Variants in ALK observed in about 807,000 individuals in gnomAD.
ALK encodes the protein ALK receptor tyrosine kinase.
Under a neutral mutation model 163.1 loss-of-function variants are expected in ALK, and 74 were observed. That is an observed-to-expected ratio of 0.45 (90% CI 0.38 to 0.55). ALK has a LOEUF of 0.55. Ranked by LOEUF, ALK falls within the 20% of genes least tolerant of loss-of-function variation. The pLI is 0.00. For missense variants in ALK, 2,063 were observed against 2,105.3 expected, an observed-to-expected ratio of 0.98 and a Z score of 0.39; for synonymous variants, 960 against 843.2, an observed-to-expected ratio of 1.14 and a Z score of -2.40.
chr2:29,797,692 T>G (rs1367705608), intron 1 of ALK, among the ~76,000 whole-genome samples: 2 of 152,214 alleles, frequency 1.3e-5, no homozygotes, highest in African/African-American at 4.8e-5. Context: ...ACTGGAGTAG[T>G]GTTAGATTTT....
At chr2:29,223,306 A>G in intron 20 of ALK, 36 bp downstream of exon 20, 1 of 1,611,300 alleles carries the variant, frequency 6.2e-7, no homozygotes. Flanking sequence ...CCTACACTGC[A>G]CCCCTCTCCT....
At chr2:29,809,284 T>C (rs1664694615) in intron 1 of ALK, among the ~76,000 whole-genome samples, 1 of 152,242 alleles carries the variant, frequency 6.6e-6, no homozygotes, top group Non-Finnish European at 1.5e-5. Flanking sequence ...CCATACATTG[T>C]TTCATTTAAT....
intron 8 of ALK, among the ~76,000 whole-genome samples, chr2:29,301,590 G>A (rs1260107671): frequency 1.3e-5 from 2 of 152,224 alleles, no homozygotes; most frequent in Non-Finnish European, 2.9e-5. Flanking sequence ...TCAGGGACCA[G>A]GGAAGGGGAG....
rs75546252 is a variant in ALK at position 29,386,069 on chromosome 2, G to A, written c.1155-2210C>T. On this transcript the variant is annotated intron_variant, in intron 4 of 28. Transcript: ENST00000389048. Reference sequence around the variant, plus strand: ...GCTAACTTTTGGTGATGAAGGCATCGCCTAAGACCATCCACCATCTCTTTC... The same window carrying A: ...GCTAACTTTTGGTGATGAAGGCATCACCTAAGACCATCCACCATCTCTTTC... Among the ~76,000 whole-genome samples the A allele has an allele frequency of 4.4e-4, 67 of 152,306 alleles. No homozygotes were observed. The East Asian group carries it at 0.012, about 27-fold the overall frequency.
chr2:29,785,071 A>C (rs976152959), intron 1 of ALK, among the ~76,000 whole-genome samples: 3 of 152,138 alleles, frequency 2.0e-5, no homozygotes, highest in Non-Finnish European at 4.4e-5. Flanking sequence ...CAGCATAGCA[A>C]AAAGAGGGAC....
intron 22 of ALK, 66 bp downstream of exon 22, chr2:29,222,278 G>A (rs2148168293): frequency 6.8e-7 from 1 of 1,466,442 alleles, no homozygotes; most frequent in Non-Finnish European, 9.5e-7. Flanking sequence ...CGATCTGTTA[G>A]AAACCTCTCC....
intron 4 of ALK, among the ~76,000 whole-genome samples, chr2:29,433,395 G>A (rs1020915962): frequency 1.3e-5 from 2 of 152,138 alleles, no homozygotes; most frequent in Non-Finnish European, 2.9e-5. Context: ...AGGGTTTTGA[G>A]GAGGAAACAT....
At chr2:29,751,960 A>AT (rs965575182) in intron 1 of ALK, among the ~76,000 whole-genome samples, 2 of 152,206 alleles carry the variant, frequency 1.3e-5, no homozygotes. Context: ...TGGTAGAGGT[A>AT]TTATCCCCAT....
chr2:29,469,352 A>T (rs1013145603), intron 4 of ALK, among the ~76,000 whole-genome samples: 1 of 152,190 alleles, frequency 6.6e-6, no homozygotes, highest in African/African-American at 2.4e-5. Context: ...AATTGCTGAG[A>T]ACCAGTGACA....
chr2:29,432,502 A>G (rs538456257), intron 4 of ALK, among the ~76,000 whole-genome samples: 1 of 152,270 alleles, frequency 6.6e-6, no homozygotes, highest in South Asian at 2.1e-4. Context: ...TTTATAAATT[A>G]CCGTCTTAGG....
intron 3 of ALK, among the ~76,000 whole-genome samples, chr2:29,549,640 T>C (rs2148173925): frequency 6.6e-6 from 1 of 152,360 alleles, no homozygotes; most frequent in East Asian, 1.9e-4. Flanking sequence ...CTTGGGTATG[T>C]GAATATGATT....
At chr2:29,354,710 T>C (rs1204097049) in intron 5 of ALK, among the ~76,000 whole-genome samples, 1 of 152,126 alleles carries the variant, frequency 6.6e-6, no homozygotes, top group East Asian at 1.9e-4. Flanking sequence ...CACATGTAGC[T>C]TTCTGGTTCC....
At chr2:29,504,362 T>C (rs10445907) in intron 4 of ALK, among the ~76,000 whole-genome samples, 40,472 of 151,950 alleles carry the variant, frequency 0.27, 5,532 homozygotes, top group East Asian at 0.35. Context: ...AAAGGTTTTA[T>C]AGTGAGGTGG....
At chr2:29,722,534 G>C (rs1327555300) in intron 1 of ALK, among the ~76,000 whole-genome samples, 1 of 152,164 alleles carries the variant, frequency 6.6e-6, no homozygotes, top group Non-Finnish European at 1.5e-5. Flanking sequence ...ATGTAAGTAA[G>C]CTTGTCATAA....
At chr2:29,621,517 G>T (rs980565992) in intron 3 of ALK, among the ~76,000 whole-genome samples, 1 of 152,152 alleles carries the variant, frequency 6.6e-6, no homozygotes, top group African/African-American at 2.4e-5. Context: ...CATGTAGAAG[G>T]CAAGATGAAG....
intron 1 of ALK, among the ~76,000 whole-genome samples, chr2:29,730,247 A>G (rs988117218): frequency 6.6e-6 from 1 of 152,236 alleles, no homozygotes; most frequent in Non-Finnish European, 1.5e-5. Context: ...GGAGGCAGAT[A>G]CACTAGTGTG....
At chr2:29,266,583 CAG>C (rs1029368105) in intron 11 of ALK, among the ~76,000 whole-genome samples, 1 of 152,152 alleles carries the variant, frequency 6.6e-6, no homozygotes, top group African/African-American at 2.4e-5. Context: ...CTCATTTGCT[CAG>C]TACAATAGCC....
At chr2:29,222,868 T>C (rs1457493125) in intron 20 of ALK, among the ~76,000 whole-genome samples, 1 of 152,230 alleles carries the variant, frequency 6.6e-6, no homozygotes. Context: ...TCAGTAGTTA[T>C]TGAGTCTCTG....
At position 29,556,154 on chromosome 2, in the gene ALK, G is replaced by A. The variant is rs115822105; in HGVS notation, c.953-24038C>T. Among the ~76,000 whole-genome samples, 1,054 of 152,222 alleles carry A rather than the reference G, an allele frequency of 6.9e-3. 11 individuals are homozygous for A. The highest frequency in any genetic ancestry group is 0.023 in the African/African-American group (951 of 41,540). ...CTGCAGAGCCTATCTGGGAGATGCC[G>A]CAGCCTAGGGGGTTATTTCCCCACT... is the stretch of plus-strand genomic sequence containing the variant. On this transcript the variant is annotated intron_variant, in intron 3 of 28. Coordinates refer to ENST00000389048, the MANE Select transcript of ALK (RefSeq NM_004304.5).
Sources: allele counts gnomAD v4.1 joint callset (sites outside exome capture counted in the v4.1 genomes callset), GRCh38; gene constraint gnomAD v4.1.1; transcripts MANE v1.5; gene names NCBI Gene and HGNC (gene_info 2026-07-23, HGNC 2026-07-21).